Variants in PRELID2 observed in about 807,000 individuals in gnomAD.
The protein encoded by PRELID2 is PRELI domain-containing protein 2.
In PRELID2, 25 loss-of-function variants were observed where a neutral mutation model predicts 28.4. That is an observed-to-expected ratio of 0.88 (90% CI 0.64 to 1.23). The LOEUF (loss-of-function observed/expected upper bound fraction) is 1.23. PRELID2 is among the 50% of genes most tolerant of loss of function. The pLI is 0.00. For missense variants in PRELID2, 201 were observed against 214.4 expected, an observed-to-expected ratio of 0.94 and a Z score of 0.39; for synonymous variants, 76 against 71.6, an observed-to-expected ratio of 1.06 and a Z score of -0.31.
intron 1 of PRELID2, among the ~76,000 whole-genome samples, chr5:145,598,560 G>C (rs142472244): frequency 3.9e-5 from 6 of 152,150 alleles, no homozygotes; most frequent in Non-Finnish European, 8.8e-5. Context: ...AAAAGAATAC[G>C]TAATTTTGGT....
At chr5:145,518,146 T>C (rs904556184) in intron 1 of PRELID2, among the ~76,000 whole-genome samples, 7 of 136,378 alleles carry the variant, frequency 5.1e-5, no homozygotes, top group Non-Finnish European at 9.0e-5. Flanking sequence ...ATAATAATAA[T>C]AATAATAATA....
At chr5:145,445,697 T>C in the PRELID2 span, among the ~76,000 whole-genome samples, 6 of 150,522 alleles carry the variant, frequency 4.0e-5, no homozygotes, top group Non-Finnish European at 7.4e-5. Flanking sequence ...AAATAAATAA[T>C]CCAACTGAAA....
chr5:145,327,780 TA>T, the PRELID2 span, among the ~76,000 whole-genome samples: 1 of 152,266 alleles, frequency 6.6e-6, no homozygotes, highest in South Asian at 2.1e-4. Flanking sequence ...CTGGAGGTTT[TA>T]AAAAATTATT....
At chr5:145,353,440 G>A in the PRELID2 span, among the ~76,000 whole-genome samples, 4 of 151,606 alleles carry the variant, frequency 2.6e-5, no homozygotes, top group Non-Finnish European at 4.4e-5. Context: ...TACAGCTTGG[G>A]TGACATAGCT....
intron 4 of PRELID2, among the ~76,000 whole-genome samples, chr5:145,817,439 A>ATATATATATATATATG (rs1754441812): frequency 7.2e-6 from 1 of 139,832 alleles, no homozygotes; most frequent in South Asian, 2.2e-4. Flanking sequence ...ATATATATAT[A>ATATATATATATATATG]TATATATATC....
At chr5:145,555,229 C>T (rs1752869941) in intron 1 of PRELID2, among the ~76,000 whole-genome samples, 1 of 152,124 alleles carries the variant, frequency 6.6e-6, no homozygotes, top group East Asian at 1.9e-4. Context: ...AGGTTAGGTC[C>T]CTTTTTTTAG....
rs1318587949 is a variant in PRELID2, at chr5:145,741,417, AATTT to A, written n.70+23510_70+23513del. Among the ~76,000 whole-genome samples, 3 of 112,718 alleles carry A rather than the reference AATTT, an allele frequency of 2.7e-5. No homozygotes were observed. In the Admixed American group the frequency reaches 3.0e-4, roughly 11 times the overall value. 73.9% of individuals were successfully genotyped at this position (112,718 alleles called of 152,430 possible). On this transcript the variant is annotated intron_variant and non_coding_transcript_variant, in intron 1 of 2. Coordinates refer to the PRELID2 transcript ENST00000510259. ...TTATATATAAACAAAATTTATTTAT[AATTT>A]ATTTATATATAAACAAAATTTATTT...
At chr5:145,796,291 A>G in intron 5 of PRELID2, 151 bp downstream of exon 5, 2 of 443,960 alleles carry the variant, frequency 4.5e-6, no homozygotes, top group South Asian at 1.0e-4. Flanking sequence ...AATTTATGTA[A>G]TAATTTTGAG....
intron 1 of PRELID2, among the ~76,000 whole-genome samples, chr5:145,490,688 T>A (rs896337119): frequency 6.6e-6 from 1 of 152,214 alleles, no homozygotes; most frequent in Non-Finnish European, 1.5e-5. Flanking sequence ...TCAATTCTCA[T>A]CTGTTGTTTT....
intron 1 of PRELID2, among the ~76,000 whole-genome samples, chr5:145,740,265 A>AATATATATAT (rs70998029): frequency 9.8e-5 from 4 of 40,650 alleles, no homozygotes; most frequent in Admixed American, 4.2e-4. Flanking sequence ...GGATTTATCA[A>AATATATATAT]ATATATATAT....
chr5:145,486,351 T>C (rs988192592), intron 1 of PRELID2, among the ~76,000 whole-genome samples: 1 of 152,224 alleles, frequency 6.6e-6, no homozygotes, highest in African/African-American at 2.4e-5. Context: ...CATCACGTTA[T>C]CCCCAGTGTC....
At chr5:145,651,271 G>A (rs528751742) in intron 1 of PRELID2, among the ~76,000 whole-genome samples, 1 of 152,306 alleles carries the variant, frequency 6.6e-6, no homozygotes, top group East Asian at 1.9e-4. Context: ...AGCTCGAACT[G>A]GGTGGAGCCC....
At chr5:145,623,945 C>T (rs1464202922) in intron 1 of PRELID2, among the ~76,000 whole-genome samples, 1 of 152,150 alleles carries the variant, frequency 6.6e-6, no homozygotes, top group Non-Finnish European at 1.5e-5. Context: ...ATGCCAGTTG[C>T]AAGTACCAAG....
At chr5:145,542,795 C>CTT (rs1752755467) in intron 1 of PRELID2, among the ~76,000 whole-genome samples, 1 of 118,130 alleles carries the variant, frequency 8.5e-6, no homozygotes, top group African/African-American at 3.3e-5. Context: ...CTGTCTTTTT[C>CTT]TCTTTTCTTT....
chr5:145,420,297 CA>C, the PRELID2 span, among the ~76,000 whole-genome samples: 14 of 152,192 alleles, frequency 9.2e-5, no homozygotes, highest in Admixed American at 7.8e-4. Flanking sequence ...ATGGGGATGG[CA>C]TTGAATCTGT....
the PRELID2 span, among the ~76,000 whole-genome samples, chr5:145,372,638 A>G: frequency 1.3e-5 from 2 of 151,562 alleles, no homozygotes; most frequent in Non-Finnish European, 2.9e-5. Context: ...GTTGGTTTAA[A>G]GTCTGTTTTG....
chr5:145,406,274 A>G, the PRELID2 span, among the ~76,000 whole-genome samples: 13 of 152,204 alleles, frequency 8.5e-5, no homozygotes, highest in African/African-American at 3.1e-4. Context: ...GCAATTTGTC[A>G]GAGTACCCAT....
chr5:145,673,626 G>C (rs1399413419), intron 1 of PRELID2, among the ~76,000 whole-genome samples: 1 of 151,306 alleles, frequency 6.6e-6, no homozygotes, highest in African/African-American at 2.4e-5. Flanking sequence ...AATATAAATG[G>C]GCATAATAAA....
chr5:145,288,862 A>T, the PRELID2 span, among the ~76,000 whole-genome samples: 65 of 152,194 alleles, frequency 4.3e-4, no homozygotes, highest in African/African-American at 1.6e-3. Context: ...CCTGGCTTGC[A>T]CCATTTGCTA....
Sources: gnomAD v4.1 joint callset for allele counts (sites outside exome capture counted in the v4.1 genomes callset) on GRCh38, gnomAD v4.1.1 for gene constraint, MANE v1.5 for transcripts, NCBI Gene and HGNC (gene_info 2026-07-23, HGNC 2026-07-21) for gene names.